OTOGL: variants seen among roughly 807,000 people sequenced by gnomAD.
OTOGL encodes the protein otogelin like.
Under a neutral mutation model 318.5 loss-of-function variants are expected in OTOGL, and 285 were observed. That is an observed-to-expected ratio of 0.89 (90% CI 0.81 to 0.99). The LOEUF is 0.99. OTOGL is among the 50% of genes least tolerant of loss of function. The pLI is 0.00. For synonymous variants in OTOGL, 987 were observed against 936.5 expected, an observed-to-expected ratio of 1.05 and a Z score of -0.99; for missense variants, 2,899 against 2,845.6, an observed-to-expected ratio of 1.02 and a Z score of -0.43.
chr12:80,310,598 A>T lies in OTOGL; in HGVS notation c.3334-13A>T. The T allele has an allele frequency of 1.3e-6, 2 of 1,544,938 alleles. No individual in the cohort carries two copies. Among genetic ancestry groups the T allele is most frequent in the East Asian group, 2.2e-5 (1 of 44,554 alleles). ...TTTGAAAACTTCTTTTCTCTCTTAAATTTTTTCAACAGTGTGAAAGTCCAG... is the reference window on the plus strand; with the variant it reads ...TTTGAAAACTTCTTTTCTCTCTTAATTTTTTTCAACAGTGTGAAAGTCCAG... On this transcript the variant is annotated splice_polypyrimidine_tract_variant and intron_variant, in intron 29 of 58. Coordinates refer to ENST00000547103, the MANE Select transcript of OTOGL (RefSeq NM_001378609.3).
chr12:80,364,737 G>A (rs1196229689), intron 52 of OTOGL, among the ~76,000 whole-genome samples: 1 of 152,048 alleles, frequency 6.6e-6, no homozygotes. Flanking sequence ...GTTGCTGCAT[G>A]TGTCACTACT....
At position 80,320,404 on chromosome 12, in the gene OTOGL, C is replaced by T; in HGVS notation, c.3803-18C>T. ...ATCTTCCTTCTCCTGAGAATCCACA[C>T]TGCTCTATATTTTACAGCATTAGCA... is the stretch of plus-strand genomic sequence containing the variant. On this transcript the variant is annotated intron_variant, in intron 33 of 58. Coordinates refer to ENST00000547103, the MANE Select transcript of OTOGL (RefSeq NM_001378609.3). 2 of 1,589,906 alleles carry T rather than the reference C, an allele frequency of 1.3e-6. No homozygotes were observed. Among genetic ancestry groups the T allele is most frequent in the Non-Finnish European group, 1.7e-6 (2 of 1,166,386 alleles).
intron 2 of OTOGL, among the ~76,000 whole-genome samples, chr12:80,209,802 G>C (rs180990793): frequency 2.0e-5 from 3 of 151,986 alleles, no homozygotes; most frequent in Non-Finnish European, 4.4e-5. Context: ...TTAAATGACT[G>C]GTTAAAAATC....
chr12:80,375,511 T>C (rs1261037826), intron 57 of OTOGL, among the ~76,000 whole-genome samples: 1 of 152,064 alleles, frequency 6.6e-6, no homozygotes, highest in Non-Finnish European at 1.5e-5. Flanking sequence ...AGAAAAATAA[T>C]GTAGAATAAA....
chr12:80,283,849 G>A (rs960031967), intron 26 of OTOGL, among the ~76,000 whole-genome samples: 1 of 151,876 alleles, frequency 6.6e-6, no homozygotes, highest in African/African-American at 2.4e-5. Context: ...GTAGGGTTTT[G>A]GGCTCTGCCT....
rs558854260 is a variant in OTOGL, at chr12:80,145,273, A to G, written c.-20+45668A>G. Among the ~76,000 whole-genome samples the G allele has an allele frequency of 7.9e-5, 12 of 151,922 alleles. No individual in the cohort carries two copies. The South Asian group carries it at 2.3e-3, about 29-fold the overall frequency. Reference sequence around the variant, plus strand: ...GGGATCCAGTATCAGCTTTCTACATATGGCTAGCCAGTTTTCCCAGCACCA... The same window carrying G: ...GGGATCCAGTATCAGCTTTCTACATGTGGCTAGCCAGTTTTCCCAGCACCA... On this transcript the variant is annotated intron_variant, in intron 1 of 58. Transcript: ENST00000547103.
Position 80,318,683 on chromosome 12 carries a change from A to T in OTOGL, c.3772A>T (p.Thr1258Ser). Residue 1258 changes from threonine (T) to serine (S), a missense_variant, in exon 33 of 59, where the codon ACT becomes TCT. Around this residue, in one of 3 missense-constraint regions of OTOGL, gnomAD observed 2,607 missense variants for 2,524.9 expected, o/e 1.03. Coordinates refer to ENST00000547103, the MANE Select transcript of OTOGL (RefSeq NM_001378609.3). ...HTSLFFYFMI[T>S]PGLFKEKVSS... ...CAGTTTATTTTTTTATTTTATGATC[A>T]CTCCAGGCCTTTTCAAAGAGAAGGT... The T allele has an allele frequency of 7.4e-7, 1 of 1,344,410 alleles. No homozygotes were observed. Among genetic ancestry groups the T allele is most frequent in the Non-Finnish European group, 9.6e-7 (1 of 1,038,284 alleles). 83.3% of individuals were successfully genotyped at this position (1,344,410 alleles called of 1,614,324 possible).
chr12:80,314,191 C>A lies in OTOGL; in HGVS notation c.3608-114C>A, dbSNP rs71463866. The A allele has an allele frequency of 0.013, 4,388 of 327,758 alleles. 199 individuals carry two copies. Among genetic ancestry groups the A allele is most frequent in the African/African-American group, 0.083 (3,906 of 46,986 alleles). 20.3% of individuals were successfully genotyped at this position (327,758 alleles called of 1,614,324 possible). On this transcript the variant is annotated intron_variant, in intron 31 of 58. Coordinates refer to ENST00000547103, the MANE Select transcript of OTOGL (RefSeq NM_001378609.3). ...GCTCAGAAAAAGTTCCTAAATAATACCATTTTATATTCTTTCACATAGTTA... is the reference window on the plus strand; with the variant it reads ...GCTCAGAAAAAGTTCCTAAATAATAACATTTTATATTCTTTCACATAGTTA...
At chr12:80,324,234 A>C (rs2137851198) in intron 35 of OTOGL, among the ~76,000 whole-genome samples, 1 of 152,308 alleles carries the variant, frequency 6.6e-6, no homozygotes, top group Middle Eastern at 3.4e-3. Flanking sequence ...TTGCCAATTA[A>C]TGTTGGTGGT....
At chr12:80,353,098 CTAGCAGACCCT>C (rs1183247788) in intron 45 of OTOGL, among the ~76,000 whole-genome samples, 1 of 151,964 alleles carries the variant, frequency 6.6e-6, no homozygotes, top group Non-Finnish European at 1.5e-5. Context: ...ACAGCTAATC[CTAGCAGACCCT>C]TAGAAAATGT....
chr12:80,173,737 AC>A (rs1339767024), intron 1 of OTOGL, among the ~76,000 whole-genome samples: 1 of 152,096 alleles, frequency 6.6e-6, no homozygotes, highest in East Asian at 1.9e-4. Flanking sequence ...AATGCCTTTG[AC>A]ATATTTCTGT....
At chr12:80,121,008 G>A (rs1870456481) in intron 1 of OTOGL, among the ~76,000 whole-genome samples, 1 of 152,116 alleles carries the variant, frequency 6.6e-6, no homozygotes, top group African/African-American at 2.4e-5. Context: ...AGTTATTTAG[G>A]GTAGGGTGTG....
intron 1 of OTOGL, among the ~76,000 whole-genome samples, chr12:80,120,605 A>G (rs1426632778): frequency 6.6e-6 from 1 of 152,220 alleles, no homozygotes; most frequent in African/African-American, 2.4e-5. Context: ...TATGAGAAAT[A>G]CTGATTTAAG....
chr12:80,349,458 G>A (rs1889403917), intron 44 of OTOGL, among the ~76,000 whole-genome samples: 2 of 152,016 alleles, frequency 1.3e-5, no homozygotes, highest in African/African-American at 4.8e-5. Context: ...TTCAGTGAGA[G>A]AACATGACCA....
intron 52 of OTOGL, among the ~76,000 whole-genome samples, chr12:80,365,541 A>G (rs1385562845): frequency 6.6e-6 from 1 of 152,128 alleles, no homozygotes; most frequent in East Asian, 1.9e-4. Context: ...TAAAAGAGTT[A>G]GTGTAAGCCT....
chr12:80,332,942 A>G (rs1177557275), intron 37 of OTOGL, 63 bp from the exon 38 acceptor site: 3 of 1,327,340 alleles, frequency 2.3e-6, no homozygotes, highest in South Asian at 2.6e-5. Flanking sequence ...TTTCTGTCAC[A>G]TATCAATTCC....
Position 80,358,909 on chromosome 12 carries a change from A to G in OTOGL, c.6267+9A>G, listed in dbSNP as rs571994047. 39 of 1,471,488 alleles carry G rather than the reference A, an allele frequency of 2.7e-5. No individual in the cohort carries two copies. In the South Asian group the frequency reaches 4.1e-4, roughly 16 times the overall value. The allele number at this position is 1,471,488 out of a possible 1,614,324, so 91.2% of individuals were successfully genotyped here. A position where few individuals can be genotyped will look rare whatever the true frequency, so the allele number is the denominator to read the frequency against. ...TGCCAACTTGTGAAGTGGTAAGAACACATATTTTGATTGACTTGTCATATT... is the reference window on the plus strand; with the variant it reads ...TGCCAACTTGTGAAGTGGTAAGAACGCATATTTTGATTGACTTGTCATATT... On this transcript the variant is annotated intron_variant, in intron 52 of 58. Transcript: ENST00000547103.
chr12:80,207,610 TTA>T (rs1449413628), intron 1 of OTOGL, among the ~76,000 whole-genome samples: 12 of 152,288 alleles, frequency 7.9e-5, no homozygotes, highest in Non-Finnish European at 1.3e-4. Flanking sequence ...GTAGGTTAAG[TTA>T]TATGGGAAAC....
chr12:80,210,972 G>T, intron 3 of OTOGL, 86 bp downstream of exon 3: 1 of 879,750 alleles, frequency 1.1e-6, no homozygotes, highest in South Asian at 3.1e-5. Flanking sequence ...ATCTGCTTTT[G>T]AAAAAAATAA....
Sources: gnomAD v4.1 joint callset for allele counts (sites outside exome capture counted in the v4.1 genomes callset) on GRCh38, gnomAD v4.1.1 for gene constraint, gnomAD v4.1.1 regional missense constraint, MANE v1.5 for transcripts, NCBI Gene and HGNC (gene_info 2026-07-23, HGNC 2026-07-21) for gene names.